Variants in CRB1 observed in about 807,000 individuals in gnomAD.
CRB1 encodes crumbs cell polarity complex component 1.
CRB1 carries 83 observed loss-of-function variants against 120.0 expected under a neutral mutation model. The observed-to-expected ratio is 0.69, with a 90% confidence interval of 0.58 to 0.83. The LOEUF (loss-of-function observed/expected upper bound fraction) is 0.83. Ranked by LOEUF, CRB1 falls within the 40% of genes least tolerant of loss-of-function variation. CRB1 has a pLI of 0.00. For synonymous variants in CRB1, 625 were observed against 612.5 expected (o/e 1.02, Z -0.30); for missense variants, 1,699 against 1,687.6 (o/e 1.01, Z -0.12).
the CRB1 span, among the ~76,000 whole-genome samples, chr1:197,262,540 A>T: frequency 6.6e-6 from 1 of 152,094 alleles, no homozygotes. Flanking sequence ...TTTTTAAAAA[A>T]TTTAACTTTT....
intron 5 of CRB1, among the ~76,000 whole-genome samples, chr1:197,359,464 A>G (rs2821117): frequency 0.71 from 108,545 of 152,038 alleles, 39,017 homozygotes; most frequent in South Asian, 0.86. Flanking sequence ...TATATCAAAG[A>G]TTTTTTAACC....
upstream of CRB1, among the ~76,000 whole-genome samples, chr1:197,264,004 A>T (rs576317290): frequency 6.6e-6 from 1 of 152,334 alleles, no homozygotes; most frequent in East Asian, 1.9e-4. Context: ...TGTATTTAAA[A>T]GGCACAAGTG....
chr1:197,252,671 CTT>C, the CRB1 span, among the ~76,000 whole-genome samples: 3 of 138,286 alleles, frequency 2.2e-5, no homozygotes, highest in Non-Finnish European at 4.7e-5. Flanking sequence ...TAAAATAAAA[CTT>C]ATTATGGGAA....
At chr1:197,368,540 A>C (rs1230440614) in intron 5 of CRB1, among the ~76,000 whole-genome samples, 9 of 152,340 alleles carry the variant, frequency 5.9e-5, no homozygotes, top group African/African-American at 2.2e-4. Context: ...TTGATTGCTT[A>C]CTGCCTATTA....
rs372966041 is a variant in CRB1, at chr1:197,415,640, TC to T, written c.1172-5359del. Among the ~76,000 whole-genome samples, 489 of 104,434 alleles carry T rather than the reference TC, an allele frequency of 4.7e-3. 15 individuals are homozygous for T. The highest frequency in any genetic ancestry group is 0.023 in the African/African-American group (440 of 19,000). 68.5% of individuals were successfully genotyped at this position (104,434 alleles called of 152,430 possible). On this transcript the variant is annotated intron_variant, in intron 5 of 11. Coordinates refer to ENST00000367400, the MANE Select transcript of CRB1 (RefSeq NM_201253.3). The stretch of plus-strand genomic sequence containing the variant: ...TTTTTTTTCTTTTTCTTTTTTCTTT[TC>T]TTTTTTTTTTTTTTTTTTTGAGACA...
chr1:197,360,353 T>C (rs1049465219), intron 5 of CRB1: 1 of 152,268 alleles, frequency 6.6e-6, no homozygotes, highest in African/African-American at 2.4e-5. Context: ...CAAAAGGTTC[T>C]TCTGCTGCAG....
rs761288614 is a variant in CRB1 at position 197,434,771 on chromosome 1, A to C, written c.2908A>C (p.Thr970Pro). Residue 970 changes from threonine to proline, a missense_variant, in exon 9 of 12, where the codon ACC (threonine) becomes CCC (proline). Transcript: ENST00000367400. ...QILFRSNGNI[T>P]RELTNITFGF... is the part of the protein sequence containing the mutation. ...ATTATTCAGAAGCAATGGGAATATT[A>C]CCAGAGAACTCACCAATATCACATT... The C allele has an allele frequency of 1.9e-6, 3 of 1,613,710 alleles. No individual in the cohort carries two copies. In the South Asian group the frequency reaches 3.3e-5, roughly 18 times the overall value.
At chr1:197,377,427 A>G (rs1158776504) in intron 5 of CRB1, among the ~76,000 whole-genome samples, 12 of 152,222 alleles carry the variant, frequency 7.9e-5, no homozygotes. Context: ...AGTTGTAAGC[A>G]TTGATCATCA....
At position 197,429,472 on chromosome 1, in the gene CRB1, T is replaced by C; in HGVS notation, c.2700T>C (p.Gly900=). ...SCKSNPCHNG[G]VCHSRWDDFS... ...AGTCCAACCCCTGTCACAATGGAGG[T>C]GTTTGCCATTCCCGGTGGGATGACT... Residue 900 remains glycine, a synonymous_variant, in exon 8 of 12, where the codon GGT becomes GGC. Coordinates refer to ENST00000367400, the MANE Select transcript of CRB1 (RefSeq NM_201253.3). The C allele has an allele frequency of 6.2e-7, 1 of 1,613,990 alleles. No individual in the cohort carries two copies. Among genetic ancestry groups the C allele is most frequent in the Non-Finnish European group, 8.5e-7 (1 of 1,179,940 alleles).
chr1:197,457,661 A>G (rs1454667718), intron 11 of CRB1, among the ~76,000 whole-genome samples: 1 of 152,182 alleles, frequency 6.6e-6, no homozygotes, highest in Non-Finnish European at 1.5e-5. Context: ...AGAAGAAATT[A>G]GAACATTCCC....
chr1:197,278,763 T>C (rs931242920), intron 1 of CRB1, among the ~76,000 whole-genome samples: 1 of 151,916 alleles, frequency 6.6e-6, no homozygotes, highest in Non-Finnish European at 1.5e-5. Context: ...TAAATAACCA[T>C]TAAAATAAAT....
At chr1:197,384,659 G>A (rs1157077157) in intron 5 of CRB1, among the ~76,000 whole-genome samples, 1 of 151,888 alleles carries the variant, frequency 6.6e-6, no homozygotes, top group Non-Finnish European at 1.5e-5. Context: ...CAATAAAATG[G>A]CCAAATGAGA....
Position 197,356,856 on chromosome 1 carries a change from C to G in CRB1, c.1014C>G (p.Ile338Met). The part of the protein sequence containing the change: ...WPGYTGAQCE[I>M]DLNECNSNPC... ...GATACACAGGTGCCCAGTGTGAGATCGACCTCAATGAATGCAATAGTAACC... is the reference window on the plus strand; with the variant it reads ...GATACACAGGTGCCCAGTGTGAGATGGACCTCAATGAATGCAATAGTAACC... The change falls in exon 5 of 12, where the codon ATC becomes ATG. Residue 338 changes from isoleucine (I) to methionine (M), a missense_variant. Physicochemically the swap from Ile to Met is conservative, Grantham distance 10. Transcript: ENST00000367400. The G allele has an allele frequency of 6.2e-7, 1 of 1,614,154 alleles. No homozygotes were observed. Among genetic ancestry groups the G allele is most frequent in the African/African-American group, 1.3e-5 (1 of 75,038 alleles).
the CRB1 span, among the ~76,000 whole-genome samples, chr1:197,209,512 AT>A: frequency 3.3e-5 from 5 of 151,762 alleles, no homozygotes; most frequent in African/African-American, 1.2e-4. Context: ...TGCCTGGCTA[AT>A]TTTTTTGTAT....
At chr1:197,223,141 A>G in the CRB1 span, 2 of 901,200 alleles carry the variant, frequency 2.2e-6, no homozygotes, top group African/African-American at 1.7e-5. Context: ...TACTTTGGAT[A>G]ATGATTGCCT....
At chr1:197,467,505 A>T (rs1031488788) in intron 11 of CRB1, among the ~76,000 whole-genome samples, 6 of 152,194 alleles carry the variant, frequency 3.9e-5, no homozygotes, top group Non-Finnish European at 5.9e-5. Context: ...TTGTCCCAAT[A>T]ATGTCCCTTA....
chr1:197,328,568 C>T lies in CRB1; in HGVS notation c.217C>T (p.Pro73Ser). 1 of 1,614,128 alleles carries T rather than the reference C, an allele frequency of 6.2e-7. No homozygotes were observed. Among genetic ancestry groups the T allele is most frequent in the Non-Finnish European group, 8.5e-7 (1 of 1,180,024 alleles). The change falls in exon 2 of 12, where the codon CCT becomes TCT. Residue 73 changes from proline to serine, a missense_variant. Pro to Ser is a moderately conservative substitution (Grantham distance 74). Transcript: ENST00000367400. ...CAAAGACTGTGACAACATGAAAGAC[C>T]CTTGCTTCTCCAATCCCTGTCAAGG... The part of the protein sequence containing the change: ...LDKDCDNMKD[P>S]CFSNPCQGSA...
chr1:197,263,147 C>T, the CRB1 span, among the ~76,000 whole-genome samples: 2 of 152,130 alleles, frequency 1.3e-5, no homozygotes, highest in African/African-American at 4.8e-5. Context: ...TTCCCATCAA[C>T]AGTGTGTAAG....
intron 5 of CRB1, chr1:197,413,870 G>T (rs979147793): frequency 4.4e-6 from 2 of 454,786 alleles, no homozygotes; most frequent in Non-Finnish European, 8.9e-6. Flanking sequence ...CACACTTCTG[G>T]ATATGGTCCA....
Sources: allele counts gnomAD v4.1 joint callset (sites outside exome capture counted in the v4.1 genomes callset), GRCh38; gene constraint gnomAD v4.1.1; transcripts MANE v1.5; gene names NCBI Gene and HGNC (gene_info 2026-07-23, HGNC 2026-07-21).